The following PRKD2 variants were observed in gnomAD, a reference collection of about 807,000 sequenced individuals.
PRKD2 encodes the protein serine/threonine-protein kinase D2.
A neutral mutation model predicts 86.0 loss-of-function variants in PRKD2; 22 were observed. The ratio of observed to expected loss-of-function variants is 0.26; its 90% CI spans 0.18 to 0.37. The LOEUF is 0.37. Among genes scored for constraint, PRKD2 ranks in the 10% least tolerant of loss-of-function variants. The probability of loss-of-function intolerance (pLI) is 1.00; values close to 1 mark genes in which losing one functional copy is unlikely to be tolerated. For synonymous variants in PRKD2, 509 were observed against 510.9 expected (o/e 1.00, Z 0.05); for missense variants, 818 against 1,199.2 (o/e 0.68, Z 4.70).
intron 2 of PRKD2, among the ~76,000 whole-genome samples, chr19:46,711,486 G>A (rs2122164976): frequency 6.7e-6 from 1 of 148,750 alleles, no homozygotes; most frequent in Admixed American, 6.7e-5. Context: ...TCCGCCTCCC[G>A]GGTTCAAGCA....
At position 46,693,020 on chromosome 19, in the gene PRKD2, C is replaced by G. The variant is rs555836383; in HGVS notation, c.1576+855G>C. Among the ~76,000 whole-genome samples, 2 of 152,290 alleles carry G rather than the reference C, an allele frequency of 1.3e-5. No individual in the cohort carries two copies. The highest frequency in any genetic ancestry group is 4.8e-5 in the African/African-American group (2 of 41,562). On this transcript the variant is annotated intron_variant, in intron 10 of 17. Coordinates refer to ENST00000291281, the MANE Select transcript of PRKD2 (RefSeq NM_016457.5). This position sits in a 1 kb window ranked among gnomAD's most constrained non-coding sequence, Gnocchi z 4.5. Reference sequence around the variant, plus strand: ...GGGTGGGAACCTGGTACTCTCTCAACATTTTTTGCCTCTGCCTAAAATGAC... The same window carrying G: ...GGGTGGGAACCTGGTACTCTCTCAAGATTTTTTGCCTCTGCCTAAAATGAC...
intron 3 of PRKD2, among the ~76,000 whole-genome samples, chr19:46,705,156 C>T (rs2053696516): frequency 6.6e-6 from 1 of 151,984 alleles, no homozygotes; most frequent in African/African-American, 2.4e-5. Flanking sequence ...CCTCACACCC[C>T]ACCTTTTCCC....
chr19:46,694,687 G>C (rs919833117), intron 9 of PRKD2, among the ~76,000 whole-genome samples: 13 of 152,166 alleles, frequency 8.5e-5, no homozygotes, highest in Admixed American at 8.5e-4. Context: ...AGGAGTAGGG[G>C]AACAGCATGT....
intron 3 of PRKD2, among the ~76,000 whole-genome samples, chr19:46,707,034 T>C (rs560972619): frequency 2.4e-4 from 36 of 151,948 alleles, no homozygotes; most frequent in African/African-American, 8.4e-4. Context: ...GCTGGGATTA[T>C]AGGTACCCGC....
chr19:46,683,192 C>A lies in PRKD2; in HGVS notation c.1972-1444G>T, dbSNP rs552561729. ...TTTTTTTTTTTTTTTTTTGAGAAGG[C>A]CTCCTGATTCTCCTGCCTCAGCCTC... On this transcript the variant is annotated intron_variant, in intron 14 of 17. Coordinates refer to ENST00000291281, the MANE Select transcript of PRKD2 (RefSeq NM_016457.5). Among the ~76,000 whole-genome samples the A allele has an allele frequency of 3.9e-4, 58 of 147,346 alleles. No homozygotes were observed. In the East Asian group the frequency reaches 0.01, roughly 26 times the overall value.
intron 3 of PRKD2, among the ~76,000 whole-genome samples, chr19:46,707,782 T>G (rs1279590405): frequency 6.6e-6 from 1 of 151,980 alleles, no homozygotes; most frequent in East Asian, 1.9e-4. Flanking sequence ...GGCTGAACCT[T>G]GAGACATCTT....
intron 9 of PRKD2, among the ~76,000 whole-genome samples, 173 bp downstream of exon 9, chr19:46,696,984 G>A (rs937241480): frequency 6.6e-6 from 1 of 151,954 alleles, no homozygotes; most frequent in African/African-American, 2.4e-5. Flanking sequence ...GAAAGTGGTG[G>A]GGCCAGAATC....
chr19:46,696,587 G>T (rs952724141), intron 9 of PRKD2, among the ~76,000 whole-genome samples: 1 of 152,062 alleles, frequency 6.6e-6, no homozygotes, highest in South Asian at 2.1e-4. Context: ...GTGAAACCCC[G>T]TCTCTACTAA....
rs979568657 is a variant in PRKD2 at position 46,681,420 on chromosome 19, A to AT, written c.2070+229dup. Among the ~76,000 whole-genome samples, 353 of 146,568 alleles carry AT rather than the reference A, an allele frequency of 2.4e-3. 1 individual carries two copies. Among genetic ancestry groups the AT allele is most frequent in the African/African-American group, 7.7e-3 (308 of 39,866 alleles). The stretch of plus-strand genomic sequence containing the variant: ...TAGGCGCACGCCACCATTCCCGGCT[A>AT]TTTTTTTTTTCATTTTTTGTATAGA... On this transcript the variant is annotated intron_variant, in intron 15 of 17. Coordinates refer to ENST00000291281, the MANE Select transcript of PRKD2 (RefSeq NM_016457.5).
chr19:46,704,695 T>A, intron 3 of PRKD2, 46 bp from the exon 4 acceptor site: 1 of 1,548,714 alleles, frequency 6.5e-7, no homozygotes. Context: ...CTGCCCCTCC[T>A]AGGTCTCTTC....
rs1045206385 is a variant in PRKD2, at chr19:46,709,650, C to T, written c.511+1257G>A. 5.9e-5 allele frequency among the ~76,000 whole-genome samples: 9 copies of T among 152,166 alleles called. No individual in the cohort carries two copies. The South Asian group carries it at 1.2e-3, about 21-fold the overall frequency. Reference sequence around the variant, plus strand: ...TGCTGGGATTACAGGCGTGAGCCACCGCACCCGGCCCAGTGGAGGTATTTT... The same window carrying T: ...TGCTGGGATTACAGGCGTGAGCCACTGCACCCGGCCCAGTGGAGGTATTTT... On this transcript the variant is annotated intron_variant, in intron 3 of 17. Transcript: ENST00000291281.
chr19:46,676,064 A>G (rs1159383880), intron 16 of PRKD2, among the ~76,000 whole-genome samples: 2 of 152,128 alleles, frequency 1.3e-5, no homozygotes, highest in Non-Finnish European at 2.9e-5. Context: ...TGACCAACTT[A>G]TGATATTTTC....
intron 9 of PRKD2, among the ~76,000 whole-genome samples, chr19:46,694,879 TG>T (rs1407812042): frequency 6.6e-6 from 1 of 151,456 alleles, no homozygotes; most frequent in Admixed American, 6.6e-5. Flanking sequence ...AAGACCAGCC[TG>T]GGCAACACAG....
intron 15 of PRKD2, among the ~76,000 whole-genome samples, chr19:46,681,338 A>G (rs2053303696): frequency 6.7e-6 from 1 of 148,598 alleles, no homozygotes; most frequent in East Asian, 2.0e-4. Flanking sequence ...CACTGCAGCC[A>G]CCAACTCCTG....
At chr19:46,682,771 T>A (rs2122591981) in intron 14 of PRKD2, among the ~76,000 whole-genome samples, 1 of 145,224 alleles carries the variant, frequency 6.9e-6, no homozygotes, top group African/African-American at 2.6e-5. Context: ...AGAGGCGGGA[T>A]CACAGCTCAC....
rs1245089019 is a variant in PRKD2 at position 46,717,083 on chromosome 19, G to C, written c.-713C>G. On this transcript the variant is annotated 5_prime_UTR_variant, in exon 1 of 18. Transcript: ENST00000291281. ...TTTTTCCCCCTCCAAAGTTTAAGTC[G>C]GCGGCGGCGGCGGCGGCCCAGGAGG... The C allele has an allele frequency of 6.5e-6, 1 of 154,592 alleles. No individual in the cohort carries two copies. The allele number at this position is 154,592 out of a possible 1,614,324, so 9.6% of individuals were successfully genotyped here.
chr19:46,706,387 G>T (rs561121541), intron 3 of PRKD2, among the ~76,000 whole-genome samples: 141 of 152,300 alleles, frequency 9.3e-4, no homozygotes, highest in African/African-American at 3.0e-3. Flanking sequence ...TGTAGGCACT[G>T]TCTTGGCTGC....
In PRKD2 at chr19:46,710,597, A is replaced by G. The variant is rs2053790958; in HGVS notation, c.511+310T>C. 4 of 344,306 alleles carry G rather than the reference A, an allele frequency of 1.2e-5. No homozygotes were observed. The East Asian group carries it at 1.8e-4, about 16-fold the overall frequency. The allele number at this position is 344,306 out of a possible 1,614,324, so 21.3% of individuals were successfully genotyped here. On this transcript the variant is annotated intron_variant, in intron 3 of 17. Transcript: ENST00000291281. ...TGTTTCTCTGCTTGATCCCTAACTG[A>G]TAGAGGCCCCACCCTCTTCCCCCGC...
chr19:46,691,616 G>A, intron 12 of PRKD2, 119 bp downstream of exon 12: 1 of 979,092 alleles, frequency 1.0e-6, no homozygotes, highest in Non-Finnish European at 1.6e-6. Context: ...CAATCAACAT[G>A]GGAGGTGAGC....
Sources: gnomAD v4.1 joint callset for allele counts (sites outside exome capture counted in the v4.1 genomes callset) on GRCh38, gnomAD v4.1.1 for gene constraint, Gnocchi (gnomAD v3.1) non-coding constraint, MANE v1.5 for transcripts, NCBI Gene and HGNC (gene_info 2026-07-23, HGNC 2026-07-21) for gene names.